LINGO2: variants seen among roughly 807,000 people sequenced by gnomAD.
LINGO2 encodes the protein leucine rich repeat and Ig domain containing 2, also known as leucine-rich repeat and immunoglobulin-like domain-containing nogo receptor-interacting protein 2.
Under a neutral mutation model 30.6 loss-of-function variants are expected in LINGO2, and 14 were observed. That is an observed-to-expected ratio of 0.46 (90% CI 0.30 to 0.72). LINGO2 has a LOEUF of 0.72. Ranked by LOEUF, LINGO2 falls within the 30% of genes least tolerant of loss-of-function variation. The pLI is 0.07. For missense variants in LINGO2, 729 were observed against 751.7 expected (o/e 0.97, Z 0.35); for synonymous variants, 317 against 288.5 (o/e 1.10, Z -1.00).
intron 3 of LINGO2, among the ~76,000 whole-genome samples, chr9:28,336,607 A>G (rs1444402057): frequency 1.3e-5 from 2 of 152,156 alleles, no homozygotes; most frequent in South Asian, 2.1e-4. Context: ...TTTTAGGTCA[A>G]ACTTCATTCT....
At chr9:28,784,414 C>T in the LINGO2 span, among the ~76,000 whole-genome samples, 8 of 152,216 alleles carry the variant, frequency 5.3e-5, no homozygotes, top group Non-Finnish European at 8.8e-5. Flanking sequence ...CCCAGTTCAG[C>T]TGCTTACTAG....
At chr9:28,990,762 T>TC in the LINGO2 span, among the ~76,000 whole-genome samples, 97,073 of 151,396 alleles carry the variant, frequency 0.64, 31,872 homozygotes, top group Non-Finnish European at 0.72. Flanking sequence ...GGAGTGGACC[T>TC]TAGCAAACTC....
chr9:28,744,641 T>TTG, the LINGO2 span, among the ~76,000 whole-genome samples: 1 of 104,058 alleles, frequency 9.6e-6, no homozygotes, highest in Non-Finnish European at 2.0e-5. Context: ...TGTGTGTGTA[T>TTG]TTTTTTTTTT....
the LINGO2 span, among the ~76,000 whole-genome samples, chr9:28,750,844 C>A: frequency 6.6e-6 from 1 of 152,016 alleles, no homozygotes; most frequent in African/African-American, 2.4e-5. Context: ...ACCTTTTGAG[C>A]TCCTAGATGT....
At chr9:28,918,150 A>G in the LINGO2 span, among the ~76,000 whole-genome samples, 1 of 152,178 alleles carries the variant, frequency 6.6e-6, no homozygotes, top group African/African-American at 2.4e-5. Context: ...CAGTTCCACA[A>G]GCCTGGGGAG....
At chr9:28,745,569 T>C in the LINGO2 span, among the ~76,000 whole-genome samples, 5 of 152,100 alleles carry the variant, frequency 3.3e-5, no homozygotes, top group African/African-American at 1.2e-4. Flanking sequence ...AAAAATTATT[T>C]TCATATTGTT....
chr9:29,130,771 G>A, the LINGO2 span, among the ~76,000 whole-genome samples: 1 of 152,090 alleles, frequency 6.6e-6, no homozygotes, highest in Non-Finnish European at 1.5e-5. Flanking sequence ...TTAAAACATG[G>A]AAGGAGGGAT....
chr9:27,979,993 C>T (rs532296351), intron 5 of LINGO2, among the ~76,000 whole-genome samples: 29 of 151,950 alleles, frequency 1.9e-4, no homozygotes, highest in African/African-American at 6.3e-4. Flanking sequence ...GGTTGGATTC[C>T]GGTCCCATCC....
rs1401246286 is a variant in LINGO2, at chr9:27,957,459, A to AT, written c.-35-6754dup. 4.6e-5 allele frequency among the ~76,000 whole-genome samples: 7 copies of AT among 152,008 alleles called. No homozygotes were observed. The East Asian group carries it at 5.8e-4, about 13-fold the overall frequency. Reference sequence around the variant, plus strand: ...CAGGCATGTGTCACCAGGCCCAGCTATTTTTTGTACTTTTAGTAGAGACAG... The same window carrying AT: ...CAGGCATGTGTCACCAGGCCCAGCTATTTTTTTGTACTTTTAGTAGAGACAG... On this transcript the variant is annotated intron_variant, in intron 5 of 5. Coordinates refer to ENST00000379992, the Ensembl canonical transcript of LINGO2.
intron 4 of LINGO2, among the ~76,000 whole-genome samples, chr9:28,038,847 C>T (rs181769514): frequency 8.7e-4 from 133 of 152,280 alleles, no homozygotes; most frequent in East Asian, 9.6e-4. Flanking sequence ...ATTCGCAAAC[C>T]ACAGCAATAT....
chr9:29,143,700 T>G, the LINGO2 span, among the ~76,000 whole-genome samples: 1 of 152,146 alleles, frequency 6.6e-6, no homozygotes, highest in Non-Finnish European at 1.5e-5. Context: ...TTGCAAAAAC[T>G]TTCCCCCATT....
intron 3 of LINGO2, among the ~76,000 whole-genome samples, chr9:28,317,005 T>C (rs1307293280): frequency 6.6e-6 from 1 of 152,208 alleles, no homozygotes; most frequent in East Asian, 1.9e-4. Context: ...TGACAATGTA[T>C]ATCCGTCATT....
intron 4 of LINGO2, among the ~76,000 whole-genome samples, chr9:28,041,640 T>C (rs1198002): frequency 0.93 from 141,105 of 152,166 alleles, 65,531 homozygotes; most frequent in Non-Finnish European, 0.96. Context: ...AAGTAAATCA[T>C]GGAAGAAAAA....
At chr9:29,049,006 AC>A in the LINGO2 span, among the ~76,000 whole-genome samples, 1 of 152,220 alleles carries the variant, frequency 6.6e-6, no homozygotes, top group African/African-American at 2.4e-5. Context: ...AGCAAAATAA[AC>A]AATCAACAGA....
chr9:29,095,125 ATTAAT>A, the LINGO2 span, among the ~76,000 whole-genome samples: 2 of 138,836 alleles, frequency 1.4e-5, no homozygotes, highest in South Asian at 4.5e-4. Context: ...TTTCATACTC[ATTAAT>A]TTGAGTATTC....
intron 4 of LINGO2, among the ~76,000 whole-genome samples, chr9:28,053,340 A>G (rs886689090): frequency 6.6e-6 from 1 of 152,038 alleles, no homozygotes; most frequent in Non-Finnish European, 1.5e-5. Context: ...GCTGCAAGGG[A>G]GAGAGTCGTA....
chr9:28,814,115 A>C, the LINGO2 span, among the ~76,000 whole-genome samples: 1 of 152,168 alleles, frequency 6.6e-6, no homozygotes, highest in South Asian at 2.1e-4. Context: ...ATATGACCAG[A>C]CTCAAATCAC....
At chr9:28,326,131 C>G (rs565076672) in intron 3 of LINGO2, among the ~76,000 whole-genome samples, 28 of 152,258 alleles carry the variant, frequency 1.8e-4, no homozygotes, top group Admixed American at 1.6e-3. Flanking sequence ...CTCAGCCTCC[C>G]GAGTAGCTGG....
At chr9:29,161,372 G>A in the LINGO2 span, among the ~76,000 whole-genome samples, 2 of 152,176 alleles carry the variant, frequency 1.3e-5, no homozygotes, top group African/African-American at 4.8e-5. Flanking sequence ...GCTGAGGCTG[G>A]AACCTGATCC....
Sources: gnomAD v4.1 joint callset for allele counts (sites outside exome capture counted in the v4.1 genomes callset) on GRCh38, gnomAD v4.1.1 for gene constraint, MANE v1.5 for transcripts, NCBI Gene and HGNC (gene_info 2026-07-23, HGNC 2026-07-21) for gene names.